Variants in SMAD2 observed in about 807,000 individuals in gnomAD.
The protein encoded by SMAD2 is MAD homolog 2.
In SMAD2, 8 loss-of-function variants were observed where a neutral mutation model predicts 64.4. The observed-to-expected ratio is 0.12, with a 90% CI of 0.07 to 0.22. SMAD2 has a LOEUF of 0.22. Among genes scored for constraint, SMAD2 ranks in the 10% least tolerant of loss-of-function variants. The pLI is 1.00. For missense variants in SMAD2, 289 were observed against 561.2 expected, an observed-to-expected ratio of 0.51 and a Z score of 4.90; for synonymous variants, 203 against 195.8, an observed-to-expected ratio of 1.04 and a Z score of -0.31.
Position 47,880,942 on chromosome 18 carries a change from T to C in SMAD2, c.237-10378A>G, listed in dbSNP as rs541049533. Among the ~76,000 whole-genome samples, 10 of 152,276 alleles carry C rather than the reference T, an allele frequency of 6.6e-5. No individual in the cohort carries two copies. In the East Asian group the frequency reaches 1.2e-3, roughly 18 times the overall value. On this transcript the variant is annotated intron_variant, in intron 2 of 10. Coordinates refer to ENST00000262160, the MANE Select transcript of SMAD2 (RefSeq NM_005901.6). ...ATCCAGGGCTCTCTTTCTGAAACTC[T>C]CCTTGCTGATATTCACTCCTCACTC...
intron 1 of SMAD2, among the ~76,000 whole-genome samples, chr18:47,900,719 G>C (rs1442782933): frequency 6.6e-6 from 1 of 151,658 alleles, no homozygotes; most frequent in Non-Finnish European, 1.5e-5. Flanking sequence ...CCAATGCATA[G>C]ACTTAAGGCT....
rs566211124 is a variant in SMAD2, at chr18:47,918,058, C to T, written c.-54+12303G>A. ...AAGTTAAGGAACCAACAGCAAGTCA[C>T]GGCAGGAACTGAGGGCCAGGCAGGG... is the stretch of plus-strand genomic sequence containing the variant. On this transcript the variant is annotated intron_variant, in intron 1 of 10. Transcript: ENST00000262160. Among the ~76,000 whole-genome samples the T allele has an allele frequency of 3.3e-5, 5 of 152,228 alleles. No individual in the cohort carries two copies. The South Asian group carries it at 6.2e-4, about 19-fold the overall frequency.
At chr18:47,861,339 CA>C (rs199958473) in intron 6 of SMAD2, among the ~76,000 whole-genome samples, 9 of 150,440 alleles carry the variant, frequency 6.0e-5, no homozygotes, top group Admixed American at 2.0e-4. Flanking sequence ...AACAATCAAA[CA>C]AAAAAAAACT....
chr18:47,847,442 T>C (rs1032605932), intron 8 of SMAD2, among the ~76,000 whole-genome samples: 4 of 152,128 alleles, frequency 2.6e-5, no homozygotes, highest in African/African-American at 7.2e-5. Context: ...TGTTCAATTA[T>C]GAATGGTTCT....
At chr18:47,926,717 T>C (rs959625865) in intron 1 of SMAD2, among the ~76,000 whole-genome samples, 4 of 152,230 alleles carry the variant, frequency 2.6e-5, no homozygotes, top group African/African-American at 9.6e-5. Context: ...TGTTGTTCAT[T>C]GTCTGCTTCT....
rs975267107 is a variant in SMAD2 at position 47,828,224 on chromosome 18, G to A, written c.*13603C>T. 2.8e-4 allele frequency: 44 copies of A among 155,314 alleles called. No homozygotes were observed. Among genetic ancestry groups the A allele is most frequent in the South Asian group, 7.9e-4 (4 of 5,082 alleles). 9.6% of individuals were successfully genotyped at this position (155,314 alleles called of 1,614,324 possible). ...CCCAGCAGCCGCCCCGTCTGGGAGG[G>A]AGGTGGGGGGCAGCCCCTGCTCGGC... On this transcript the variant is annotated 3_prime_UTR_variant, in exon 11 of 11. Transcript: ENST00000262160.
At position 47,831,840 on chromosome 18, in the gene SMAD2, A is replaced by T. The variant is rs185596436; in HGVS notation, c.*9987T>A. 6.6e-6 allele frequency: 1 copy of T among 152,228 alleles called. No homozygotes were observed. Among genetic ancestry groups the T allele is most frequent in the Admixed American group, 6.5e-5 (1 of 15,284 alleles). The allele number at this position is 152,228 out of a possible 1,614,324, so 9.4% of individuals were successfully genotyped here. On this transcript the variant is annotated 3_prime_UTR_variant, in exon 11 of 11. Transcript: ENST00000262160. ...CCATACCTATTTATTGCAGCAAAAG[A>T]TAATTTTTATGTGTAAATTAGCTTT...
chr18:47,930,006 G>A, intron 1 of SMAD2, among the ~76,000 whole-genome samples: 1 of 152,158 alleles, frequency 6.6e-6, no homozygotes, highest in East Asian at 1.9e-4. Flanking sequence ...AAAAGTGGAG[G>A]CAAAGTATTA....
chr18:47,891,472 G>A (rs2033189119), intron 2 of SMAD2, among the ~76,000 whole-genome samples: 1 of 151,806 alleles, frequency 6.6e-6, no homozygotes, highest in Non-Finnish European at 1.5e-5. Flanking sequence ...TATAATCATG[G>A]TTGATTTTTC....
chr18:47,930,402 G>GA lies in SMAD2; in HGVS notation c.-96_-95insT, dbSNP rs1167176471. 1 of 152,286 alleles carries GA rather than the reference G, an allele frequency of 6.6e-6. No homozygotes were observed. Among genetic ancestry groups the GA allele is most frequent in the Non-Finnish European group, 1.5e-5 (1 of 68,122 alleles). 9.4% of individuals were successfully genotyped at this position (152,286 alleles called of 1,614,324 possible). A position where few individuals can be genotyped will look rare whatever the true frequency, so the allele number is the denominator to read the frequency against. On this transcript the variant is annotated 5_prime_UTR_variant, in exon 1 of 11. Coordinates refer to ENST00000262160, the MANE Select transcript of SMAD2 (RefSeq NM_005901.6). The stretch of plus-strand genomic sequence containing the variant: ...GGTCCCGCCCCGTCAGATCCGGGGG[G>GA]TCCGGGACCTTTTGTTCCTTCCTCT...
chr18:47,923,143 G>A (rs1437768279), intron 1 of SMAD2, among the ~76,000 whole-genome samples: 6 of 141,410 alleles, frequency 4.2e-5, no homozygotes, highest in Non-Finnish European at 7.6e-5. Flanking sequence ...TTGTAAACAC[G>A]TAACTTACAT....
rs377607246 is a variant in SMAD2 at position 47,855,862 on chromosome 18, C to T, written c.731-4535G>A. Among the ~76,000 whole-genome samples, 106 of 152,230 alleles carry T rather than the reference C, an allele frequency of 7.0e-4. 3 individuals are homozygous for T. In the South Asian group the frequency reaches 0.022, roughly 31 times the overall value. On this transcript the variant is annotated intron_variant, in intron 6 of 10. Transcript: ENST00000262160. ...TCTCTCCTGGCCTGCAAACTTTCTG[C>T]TGAAAAAGCTGATTGTCTAATGAAG...
intron 1 of SMAD2, among the ~76,000 whole-genome samples, chr18:47,923,238 A>G (rs2034635317): frequency 6.6e-6 from 1 of 151,834 alleles, no homozygotes; most frequent in African/African-American, 2.4e-5. Flanking sequence ...AATCAGCACA[A>G]ATATAAAGTA....
At chr18:47,909,588 T>C (rs1398782834) in intron 1 of SMAD2, among the ~76,000 whole-genome samples, 1 of 152,202 alleles carries the variant, frequency 6.6e-6, no homozygotes, top group Non-Finnish European at 1.5e-5. Flanking sequence ...ACTCTACTGT[T>C]TTGTGCAAAT....
Position 47,841,356 on chromosome 18 carries a change from GAC to G in SMAD2, c.*469_*470del, listed in dbSNP as rs957171472. Reference sequence around the variant, plus strand: ...TTGATATATATTATATATTAAAAAAGACACACAAAAATAACAGAGAAGTGGGA... The same window carrying G: ...TTGATATATATTATATATTAAAAAAGACACAAAAATAACAGAGAAGTGGGA... On this transcript the variant is annotated 3_prime_UTR_variant, in exon 11 of 11. Coordinates refer to ENST00000262160, the MANE Select transcript of SMAD2 (RefSeq NM_005901.6). 3 of 237,976 alleles carry G rather than the reference GAC, an allele frequency of 1.3e-5. No homozygotes were observed. Among genetic ancestry groups the G allele is most frequent in the South Asian group, 3.3e-4 (2 of 6,150 alleles). 14.7% of individuals were successfully genotyped at this position (237,976 alleles called of 1,614,324 possible).
rs1912381014 is a variant in SMAD2, at chr18:47,816,678, A to T, written c.*25149T>A. On this transcript the variant is annotated 3_prime_UTR_variant, in exon 11 of 11. Coordinates refer to ENST00000262160, the MANE Select transcript of SMAD2 (RefSeq NM_005901.6). ...TTGTAACCAACGACAATTATTTCAAAACAATTATACAACCCTCATTTTTCT... is the reference window on the plus strand; with the variant it reads ...TTGTAACCAACGACAATTATTTCAATACAATTATACAACCCTCATTTTTCT... 6.6e-6 allele frequency: 1 copy of T among 152,182 alleles called. No individual in the cohort carries two copies. Among genetic ancestry groups the T allele is most frequent in the Non-Finnish European group, 1.5e-5 (1 of 68,040 alleles). The allele number at this position is 152,182 out of a possible 1,614,324, so 9.4% of individuals were successfully genotyped here.
chr18:47,927,295 A>G, intron 1 of SMAD2, among the ~76,000 whole-genome samples: 1 of 137,794 alleles, frequency 7.3e-6, no homozygotes, highest in East Asian at 2.3e-4. Context: ...CCCAAAATAC[A>G]CAGATTGTTC....
chr18:47,903,379 G>A (rs1285236122), intron 1 of SMAD2, among the ~76,000 whole-genome samples: 3 of 148,356 alleles, frequency 2.0e-5, no homozygotes, highest in African/African-American at 4.9e-5. Flanking sequence ...GGGGTGGGGG[G>A]AAAGAAAATA....
chr18:47,891,027 G>A (rs951896637), intron 2 of SMAD2, among the ~76,000 whole-genome samples: 43 of 152,154 alleles, frequency 2.8e-4, no homozygotes, highest in African/African-American at 1.0e-3. Context: ...AGAGGTGGCC[G>A]GGCATGGTGG....
Sources: allele counts gnomAD v4.1 joint callset (sites outside exome capture counted in the v4.1 genomes callset), GRCh38; gene constraint gnomAD v4.1.1; transcripts MANE v1.5; gene names NCBI Gene and HGNC (gene_info 2026-07-23, HGNC 2026-07-21).